Variants in NCAM1 observed in about 807,000 individuals in gnomAD.
The protein encoded by NCAM1 is antigen recognized by monoclonal antibody 5.1H11.
Under a neutral mutation model 109.8 loss-of-function variants are expected in NCAM1, and 14 were observed. The ratio of observed to expected loss-of-function variants is 0.13; its 90% CI spans 0.08 to 0.20. NCAM1 has a LOEUF of 0.20. NCAM1 is among the 10% of genes least tolerant of loss of function. The probability of loss-of-function intolerance (pLI) is 1.00; values close to 1 mark genes in which losing one functional copy is unlikely to be tolerated. For synonymous variants in NCAM1, 418 were observed against 442.9 expected (o/e 0.94, Z 0.70); for missense variants, 774 against 1,109.9 (o/e 0.70, Z 4.30).
At chr11:113,236,425 A>C in intron 14 of NCAM1, 1 of 1,220,930 alleles carries the variant, frequency 8.2e-7, no homozygotes, top group African/African-American at 1.5e-5. Flanking sequence ...GCTGAAGTAG[A>C]TGATATTGTC....
chr11:113,041,976 T>C (rs533933204), intron 1 of NCAM1, among the ~76,000 whole-genome samples: 8 of 152,218 alleles, frequency 5.3e-5, no homozygotes, highest in South Asian at 2.1e-4. Flanking sequence ...TCGCTTTCTC[T>C]TTCTTTCTAA....
At chr11:112,971,318 C>A (rs1950876153) in intron 1 of NCAM1, among the ~76,000 whole-genome samples, 1 of 151,754 alleles carries the variant, frequency 6.6e-6, no homozygotes, top group Non-Finnish European at 1.5e-5. Flanking sequence ...TCTTTTGGCT[C>A]AGGTCAAAAG....
chr11:113,233,202 G>A lies in NCAM1; in HGVS notation c.1578G>A (p.Gln526=). The change falls in exon 13 of 20, where the codon CAG becomes CAA. Residue 526 remains glutamine, a synonymous_variant. Coordinates refer to ENST00000316851, the MANE Select transcript of NCAM1 (RefSeq NM_181351.5). This position sits in a 1 kb window ranked among gnomAD's most constrained non-coding sequence, Gnocchi z 4.5. ...DQVEPYSSTA[Q]VQFDEPEATG... Reference sequence around the variant, plus strand: ...TGGAGCCATACTCCAGCACAGCCCAGGTGCAGTTTGATGAACCAGAGGCCA... The same window carrying A: ...TGGAGCCATACTCCAGCACAGCCCAAGTGCAGTTTGATGAACCAGAGGCCA... The A allele has an allele frequency of 6.2e-7, 1 of 1,613,858 alleles. No individual in the cohort carries two copies. Among genetic ancestry groups the A allele is most frequent in the African/African-American group, 1.3e-5 (1 of 75,028 alleles).
At chr11:113,223,214 C>T (rs1555115632) in intron 9 of NCAM1, among the ~76,000 whole-genome samples, 1 of 152,116 alleles carries the variant, frequency 6.6e-6, no homozygotes, top group African/African-American at 2.4e-5. Flanking sequence ...AGGTGGCACA[C>T]CCTGAAGTTG....
chr11:113,111,531 G>A (rs1565442927), intron 1 of NCAM1, among the ~76,000 whole-genome samples: 1 of 151,926 alleles, frequency 6.6e-6, no homozygotes, highest in Admixed American at 6.6e-5. Flanking sequence ...GACCACAGGA[G>A]GACACACAGG....
At position 113,233,787 on chromosome 11, in the gene NCAM1, T is replaced by C. The variant is rs1379952524; in HGVS notation, c.1693+470T>C. On this transcript the variant is annotated intron_variant, in intron 13 of 19. Transcript: ENST00000316851. This position sits in a 1 kb window ranked among gnomAD's most constrained non-coding sequence, Gnocchi z 4.5. ...CACAGCCAGCAGGACAAGTCTGCCC[T>C]TAAATCAGTCCTGTGCTAGCTTTCC... Among the ~76,000 whole-genome samples the C allele has an allele frequency of 6.6e-6, 1 of 152,214 alleles. No homozygotes were observed. The highest frequency in any genetic ancestry group is 1.5e-5 in the Non-Finnish European group (1 of 68,042).
At chr11:112,983,790 A>G (rs1397051353) in intron 1 of NCAM1, among the ~76,000 whole-genome samples, 2 of 152,104 alleles carry the variant, frequency 1.3e-5, no homozygotes, top group African/African-American at 4.8e-5. Flanking sequence ...GGTGTTAACT[A>G]TGATGTTTTG....
chr11:112,992,243 C>T lies in NCAM1; in HGVS notation c.52+30579C>T, dbSNP rs140917688. ...TCATAATCATAAATTGTTAAAAATG[C>T]AAGTGAGTTTATGATGAAAAACACT... On this transcript the variant is annotated intron_variant, in intron 1 of 19. Transcript: ENST00000316851. Among the ~76,000 whole-genome samples the T allele has an allele frequency of 6.8e-4, 103 of 152,138 alleles. 1 individual carries two copies. Among genetic ancestry groups the T allele is most frequent in the African/African-American group, 2.4e-3 (100 of 41,514 alleles).
intron 1 of NCAM1, among the ~76,000 whole-genome samples, chr11:113,179,047 T>A (rs1943253863): frequency 6.6e-6 from 1 of 152,204 alleles, no homozygotes; most frequent in South Asian, 2.1e-4. Context: ...GCTCTGCATT[T>A]GGTAATACCA....
chr11:113,023,662 G>T (rs2135265881), intron 1 of NCAM1, among the ~76,000 whole-genome samples: 1 of 152,280 alleles, frequency 6.6e-6, no homozygotes, highest in Admixed American at 6.5e-5. Flanking sequence ...GTTTGTGTTT[G>T]TGTATCTAAG....
intron 1 of NCAM1, among the ~76,000 whole-genome samples, chr11:113,020,692 A>G (rs1555076109): frequency 6.6e-6 from 1 of 152,098 alleles, no homozygotes; most frequent in Non-Finnish European, 1.5e-5. Context: ...AAGCAATTTT[A>G]TGCCTACCAT....
chr11:113,113,874 T>C lies in NCAM1; in HGVS notation c.53-88505T>C, dbSNP rs1397514892. ...TCAACCTTGTGTTTGACACGATCAA[T>C]GGATGGAGATCCAGGAAGAGGACTG... On this transcript the variant is annotated intron_variant, in intron 1 of 19. Transcript: ENST00000316851. 3.3e-5 allele frequency among the ~76,000 whole-genome samples: 5 copies of C among 152,358 alleles called. No individual in the cohort carries two copies. In the East Asian group the frequency reaches 9.6e-4, roughly 29 times the overall value.
chr11:113,206,558 A>T (rs527557243), intron 5 of NCAM1, among the ~76,000 whole-genome samples: 1 of 152,336 alleles, frequency 6.6e-6, no homozygotes, highest in Non-Finnish European at 1.5e-5. Flanking sequence ...GCCTCAGAAT[A>T]GTCAGAATCA....
At chr11:113,246,111 T>C in intron 14 of NCAM1, 1 of 531,846 alleles carries the variant, frequency 1.9e-6, no homozygotes, top group South Asian at 3.1e-5. Flanking sequence ...TATTCTTCTA[T>C]TTCTGGGCAG....
In NCAM1 at chr11:113,173,591, G is replaced by GAT. The variant is rs5794851; in HGVS notation, c.53-28753_53-28752dup. ...TATGACTAATATTAGCATGTTACCT[G>GAT]ATATATATATATATATATATATATA... On this transcript the variant is annotated intron_variant, in intron 1 of 19. Transcript: ENST00000316851. Among the ~76,000 whole-genome samples the GAT allele has an allele frequency of 6.4e-3, 805 of 126,606 alleles. 15 individuals carry two copies. The highest frequency in any genetic ancestry group is 9.4e-3 in the East Asian group (41 of 4,366). The allele number at this position is 126,606 out of a possible 152,430, so 83.1% of individuals were successfully genotyped here.
At chr11:113,128,237 T>C (rs538650187) in intron 1 of NCAM1, among the ~76,000 whole-genome samples, 12 of 152,268 alleles carry the variant, frequency 7.9e-5, no homozygotes, top group African/African-American at 2.2e-4. Flanking sequence ...ACAGAACGGT[T>C]TGGGAGCAGG....
At chr11:113,102,160 C>T (rs552322740) in intron 1 of NCAM1, among the ~76,000 whole-genome samples, 1 of 152,196 alleles carries the variant, frequency 6.6e-6, no homozygotes, top group South Asian at 2.1e-4. Flanking sequence ...TTTTAGTCAT[C>T]TGAAAAAGTT....
At chr11:113,180,006 G>T (rs892441714) in intron 1 of NCAM1, among the ~76,000 whole-genome samples, 1 of 152,160 alleles carries the variant, frequency 6.6e-6, no homozygotes. Flanking sequence ...ACTTTCCTAA[G>T]ATGGGCACAC....
At chr11:113,205,728 C>T in intron 4 of NCAM1, 62 bp downstream of exon 4, 1 of 1,572,444 alleles carries the variant, frequency 6.4e-7, no homozygotes, top group Non-Finnish European at 8.6e-7. Context: ...CTAGCTTTTT[C>T]ACCTGTACTG....
Sources: allele counts gnomAD v4.1 joint callset (sites outside exome capture counted in the v4.1 genomes callset), GRCh38; gene constraint gnomAD v4.1.1; non-coding constraint Gnocchi (gnomAD v3.1); transcripts MANE v1.5; gene names NCBI Gene and HGNC (gene_info 2026-07-23, HGNC 2026-07-21).